The following CCDC13 variants were observed in gnomAD, a reference collection of about 807,000 sequenced individuals.
CCDC13 encodes coiled-coil domain containing 13, also known as coiled-coil domain-containing protein 13.
A neutral mutation model predicts 87.3 loss-of-function variants in CCDC13; 70 were observed. The observed-to-expected ratio is 0.80, with a 90% CI of 0.66 to 0.98. The LOEUF (loss-of-function observed/expected upper bound fraction) is 0.98. Ranked by LOEUF, CCDC13 falls within the 50% of genes least tolerant of loss-of-function variation. The pLI is 0.00. For missense variants in CCDC13, 842 were observed against 892.0 expected (o/e 0.94, Z 0.71); for synonymous variants, 317 against 360.3 (o/e 0.88, Z 1.36).
At chr3:42,757,782 TTTCTC>T (rs1329400626) in intron 2 of CCDC13, among the ~76,000 whole-genome samples, 1 of 152,166 alleles carries the variant, frequency 6.6e-6, no homozygotes, top group Non-Finnish European at 1.5e-5. Flanking sequence ...TACAGACTAT[TTTCTC>T]TAATGGCAAG....
At chr3:42,717,938 C>A (rs1698469745) in intron 13 of CCDC13, 1 of 152,206 alleles carries the variant, frequency 6.6e-6, no homozygotes, top group Non-Finnish European at 1.5e-5. Flanking sequence ...AGGTATGTTA[C>A]CCAGCTGGGT....
At chr3:42,767,089 T>C (rs1699946776) in intron 1 of CCDC13, among the ~76,000 whole-genome samples, 1 of 151,920 alleles carries the variant, frequency 6.6e-6, no homozygotes, top group Non-Finnish European at 1.5e-5. Context: ...ATAAAAGATA[T>C]ATATTTTGGA....
chr3:42,769,134 G>A (rs12488174), intron 1 of CCDC13, among the ~76,000 whole-genome samples: 26,663 of 151,652 alleles, frequency 0.18, 2,512 homozygotes, highest in South Asian at 0.27. Context: ...GTGAAACGCC[G>A]TTTCAAAAAA....
chr3:42,722,791 C>CTTTTTTTTTT, intron 13 of CCDC13, among the ~76,000 whole-genome samples: 1 of 109,098 alleles, frequency 9.2e-6, no homozygotes, highest in Non-Finnish European at 1.8e-5. Flanking sequence ...TATTCCTTTA[C>CTTTTTTTTTT]TTTTTTTTTT....
chr3:42,729,101 G>A (rs998032532), intron 13 of CCDC13, among the ~76,000 whole-genome samples: 1 of 152,196 alleles, frequency 6.6e-6, no homozygotes, highest in Non-Finnish European at 1.5e-5. Context: ...CCACAGAATC[G>A]TGAGAAAGCA....
At chr3:42,771,481 G>T (rs1193463202) in intron 1 of CCDC13, among the ~76,000 whole-genome samples, 1 of 152,214 alleles carries the variant, frequency 6.6e-6, no homozygotes, top group African/African-American at 2.4e-5. Context: ...CTGGCCAGGT[G>T]TGATGACTCA....
rs752575924 is a variant in CCDC13 at position 42,735,948 on chromosome 3, T to C, written c.1165-35A>G. The C allele has an allele frequency of 1.9e-6, 3 of 1,590,032 alleles. No homozygotes were observed. The African/African-American group carries it at 4.0e-5, about 21-fold the overall frequency. ...CAGGCAGGAGGGCAGGTGGAGTCAG[T>C]CATGGCCCTTTGGGCCGGGGAGGAC... On this transcript the variant is annotated intron_variant, in intron 9 of 15. Coordinates refer to ENST00000310232, the MANE Select transcript of CCDC13 (RefSeq NM_144719.4).
chr3:42,712,499 A>G (rs1213671890), intron 14 of CCDC13, among the ~76,000 whole-genome samples: 2 of 152,214 alleles, frequency 1.3e-5, no homozygotes, highest in Non-Finnish European at 2.9e-5. Flanking sequence ...AGCATTTCCC[A>G]GCTTCCCTCT....
chr3:42,767,265 C>T lies in CCDC13; in HGVS notation c.-7+5911G>A, dbSNP rs186920967. Among the ~76,000 whole-genome samples the T allele has an allele frequency of 1.7e-4, 26 of 152,106 alleles. No homozygotes were observed. In the East Asian group the frequency reaches 4.8e-3, roughly 28 times the overall value. On this transcript the variant is annotated intron_variant, in intron 1 of 15. Transcript: ENST00000310232. The stretch of plus-strand genomic sequence containing the variant: ...AATACACAGAAGTCAAATGTTTTCC[C>T]ACATACTAGCAATAAGCAATGGAAA...
At chr3:42,751,720 G>A (rs999414550) in intron 5 of CCDC13, among the ~76,000 whole-genome samples, 25 of 152,230 alleles carry the variant, frequency 1.6e-4, no homozygotes, top group South Asian at 2.1e-4. Context: ...CATAGCTTCC[G>A]ACACGACATT....
At chr3:42,759,259 T>C (rs943983600) in intron 1 of CCDC13, among the ~76,000 whole-genome samples, 3 of 151,230 alleles carry the variant, frequency 2.0e-5, no homozygotes, top group African/African-American at 7.3e-5. Flanking sequence ...CAGTGAGCCA[T>C]GATTGTGCCA....
chr3:42,720,638 T>C (rs1439698334), intron 13 of CCDC13, among the ~76,000 whole-genome samples: 2 of 152,148 alleles, frequency 1.3e-5, no homozygotes, highest in Non-Finnish European at 2.9e-5. Flanking sequence ...GGAATGTGGA[T>C]TTTTCTTGCC....
At position 42,730,580 on chromosome 3, in the gene CCDC13, G is replaced by A. The variant is rs373939044; in HGVS notation, c.1605C>T (p.Asp535=). ...SPHRTSPRFS[D]SPEQKGWQAQ... is the part of the protein sequence containing the mutation. ...CCTGCCAGCCTTTTTGTTCTGGGGA[G>A]TCCGAGAACCTGGGACCAGGGTGGA... Residue 535 remains aspartate, a synonymous_variant, in exon 13 of 16, where the codon GAC becomes GAT. Transcript: ENST00000310232. The A allele has an allele frequency of 2.5e-6, 4 of 1,613,912 alleles. No individual in the cohort carries two copies. The highest frequency in any genetic ancestry group is 3.3e-5 in the Admixed American group (2 of 60,002).
chr3:42,748,943 G>C (rs1699495973), intron 5 of CCDC13, among the ~76,000 whole-genome samples: 1 of 152,148 alleles, frequency 6.6e-6, no homozygotes, highest in South Asian at 2.1e-4. Flanking sequence ...TTTTTTAGTA[G>C]AGATGGGGTT....
At chr3:42,769,851 T>C (rs983045047) in intron 1 of CCDC13, among the ~76,000 whole-genome samples, 13 of 152,240 alleles carry the variant, frequency 8.5e-5, no homozygotes, top group Non-Finnish European at 1.8e-4. Context: ...GCTTAGCACC[T>C]GGGCCAGCAG....
At chr3:42,772,267 C>CAAAA (rs869064282) in intron 1 of CCDC13, among the ~76,000 whole-genome samples, 3 of 113,870 alleles carry the variant, frequency 2.6e-5, no homozygotes, top group African/African-American at 6.9e-5. Flanking sequence ...GAGACTCCGT[C>CAAAA]AAAAAAAAAA....
At chr3:42,755,826 AC>A (rs1327716567) in intron 3 of CCDC13, among the ~76,000 whole-genome samples, 1 of 151,980 alleles carries the variant, frequency 6.6e-6, no homozygotes, top group Non-Finnish European at 1.5e-5. Flanking sequence ...AGAGGGAGTA[AC>A]CCCAGATCTG....
At position 42,730,541 on chromosome 3, in the gene CCDC13, C is replaced by A; in HGVS notation, c.1644G>T (p.Glu548Asp). The A allele has an allele frequency of 6.2e-7, 1 of 1,614,176 alleles. No individual in the cohort carries two copies. The highest frequency in any genetic ancestry group is 8.5e-7 in the Non-Finnish European group (1 of 1,180,016). ...EQKGWQAQVSEIKALWQAAEV... is the reference protein window; with the variant it reads ...EQKGWQAQVSDIKALWQAAEV... ...CGGCAGCCTGCCAGAGGGCCTTGAT[C>A]TCTGACACTTGTGCCTGCCAGCCTT... Residue 548 changes from glutamate (E) to aspartate (D), a missense_variant, in exon 13 of 16, where the codon GAG (glutamate) becomes GAT (aspartate). Physicochemically the swap from Glu to Asp is conservative, Grantham distance 45. Coordinates refer to ENST00000310232, the MANE Select transcript of CCDC13 (RefSeq NM_144719.4).
In CCDC13 at chr3:42,733,524, A is replaced by C; in HGVS notation, c.1457T>G (p.Leu486Arg). The C allele has an allele frequency of 6.2e-7, 1 of 1,614,098 alleles. No homozygotes were observed. The highest frequency in any genetic ancestry group is 8.5e-7 in the Non-Finnish European group (1 of 1,180,018). ...GCCTGCTGAGGCCGGGGACTTGGTC[A>C]GGCCTGGGTCCTCCAGGAACTGGGT... Reference protein sequence around the residue: ...AYTQFLEDPGLTKSPASAGDH... With the variant: ...AYTQFLEDPGRTKSPASAGDH... Residue 486 changes from leucine (L) to arginine (R), a missense_variant, in exon 11 of 16, where the codon CTG becomes CGG. By Grantham distance (102) the Leu-to-Arg change is moderately radical. Transcript: ENST00000310232.
Sources: gnomAD v4.1 joint callset for allele counts (sites outside exome capture counted in the v4.1 genomes callset) on GRCh38, gnomAD v4.1.1 for gene constraint, MANE v1.5 for transcripts, NCBI Gene and HGNC (gene_info 2026-07-23, HGNC 2026-07-21) for gene names.